The following KATNA1 variants were observed in gnomAD, a reference collection of about 807,000 sequenced individuals.
The protein encoded by KATNA1 is katanin catalytic subunit A1.
Under a neutral mutation model 62.6 loss-of-function variants are expected in KATNA1, and 42 were observed. That is an observed-to-expected ratio of 0.67 (90% CI 0.52 to 0.87). KATNA1 has a LOEUF of 0.87. Ranked by LOEUF, KATNA1 falls within the 40% of genes least tolerant of loss-of-function variation. The pLI, the probability that KATNA1 is intolerant of heterozygous loss-of-function variation, is 0.00. For synonymous variants in KATNA1, 186 were observed against 201.9 expected, an observed-to-expected ratio of 0.92 and a Z score of 0.67; for missense variants, 498 against 612.5, an observed-to-expected ratio of 0.81 and a Z score of 1.97.
intron 10 of KATNA1, among the ~76,000 whole-genome samples, chr6:149,596,490 G>A (rs370055474): frequency 2.6e-5 from 4 of 152,154 alleles, no homozygotes; most frequent in African/African-American, 7.2e-5. Context: ...AGCCGAGATC[G>A]GACCACTGCA....
rs200316485 is a variant in KATNA1 at position 149,625,933 on chromosome 6, C to CAAAAAAAAAAAA, written c.321-2662_321-2651dup. Among the ~76,000 whole-genome samples, 344 of 137,454 alleles carry CAAAAAAAAAAAA rather than the reference C, an allele frequency of 2.5e-3. 2 individuals are homozygous for CAAAAAAAAAAAA. Among genetic ancestry groups the CAAAAAAAAAAAA allele is most frequent in the African/African-American group, 8.6e-3 (327 of 38,178 alleles). The allele number at this position is 137,454 out of a possible 152,430, so 90.2% of individuals were successfully genotyped here. On this transcript the variant is annotated intron_variant, in intron 3 of 10. Coordinates refer to ENST00000367411, the MANE Select transcript of KATNA1 (RefSeq NM_007044.4). ...TGGGTGACAGAGCGAGACTCCATCT[C>CAAAAAAAAAAAA]AAAAAAAAAAAAAAGACACTCCCAG...
At chr6:149,609,774 G>A (rs1778874381) in intron 4 of KATNA1, among the ~76,000 whole-genome samples, 1 of 124,594 alleles carries the variant, frequency 8.0e-6, no homozygotes, top group Non-Finnish European at 1.6e-5. Flanking sequence ...CTGCACTTCA[G>A]CCTGGGCGAC....
chr6:149,638,705 A>G, intron 1 of KATNA1, 145 bp from the exon 2 acceptor site: 1 of 300,724 alleles, frequency 3.3e-6, no homozygotes, highest in Non-Finnish European at 5.8e-6. Context: ...TGCTCATGCT[A>G]TTTCACTCCT....
At chr6:149,647,521 CAAAAAAAAAAAAA>C (rs10719474) in intron 1 of KATNA1, among the ~76,000 whole-genome samples, 9 of 46,858 alleles carry the variant, frequency 1.9e-4, no homozygotes, top group Admixed American at 8.1e-4. Context: ...GACTCCGTCT[CAAAAAAAAAAAAA>C]AAAAAAAAAA....
chr6:149,600,879 A>G (rs1338983597), intron 7 of KATNA1, among the ~76,000 whole-genome samples: 1 of 151,832 alleles, frequency 6.6e-6, no homozygotes, highest in East Asian at 1.9e-4. Flanking sequence ...GAGGTCACGG[A>G]TGCAGCGAGT....
chr6:149,621,649 T>C (rs1250729386), intron 4 of KATNA1, among the ~76,000 whole-genome samples: 1 of 151,508 alleles, frequency 6.6e-6, no homozygotes, highest in Admixed American at 6.6e-5. Flanking sequence ...CCTGCCAACA[T>C]GTCCGGCTAA....
chr6:149,622,782 C>T (rs10747275), intron 4 of KATNA1, among the ~76,000 whole-genome samples: 63,097 of 143,534 alleles, frequency 0.44, 15,181 homozygotes, highest in East Asian at 0.81. Flanking sequence ...GGGTGGGGCG[C>T]GCAGATAACC....
Position 149,638,526 on chromosome 6 carries a change from CACT to C in KATNA1, c.19_21del (p.Ser7del). 1 of 1,613,348 alleles carries C rather than the reference CACT, an allele frequency of 6.2e-7. No homozygotes were observed. Among genetic ancestry groups the C allele is most frequent in the South Asian group, 1.1e-5 (1 of 91,034 alleles). ...TATTCACGAGCCAATTTTACATTCT[CACT>C]AATCATAAGAAGACTCATGTTCAAC... On this transcript the variant is annotated inframe_deletion, in exon 2 of 11. Coordinates refer to ENST00000367411, the MANE Select transcript of KATNA1 (RefSeq NM_007044.4).
chr6:149,628,135 T>A (rs1363111360), intron 3 of KATNA1, among the ~76,000 whole-genome samples: 1 of 151,564 alleles, frequency 6.6e-6, no homozygotes, highest in African/African-American at 2.4e-5. Flanking sequence ...GGAGTGTCTG[T>A]CGCCCAGGCT....
intron 4 of KATNA1, among the ~76,000 whole-genome samples, chr6:149,606,455 T>A (rs1451342420): frequency 6.6e-6 from 1 of 152,174 alleles, no homozygotes; most frequent in Non-Finnish European, 1.5e-5. Context: ...ATGATTCCTT[T>A]GCCAACTGGT....
Position 149,638,570 on chromosome 6 carries a change from A to T in KATNA1, c.-13-10T>A, listed in dbSNP as rs772859111. ...CATGTTCAACTGTAAGCTAAAAAGA[A>T]GAAGAAAAAAAGAAACACTTTAGGT... is the stretch of plus-strand genomic sequence containing the variant. On this transcript the variant is annotated splice_polypyrimidine_tract_variant and intron_variant, in intron 1 of 10. Coordinates refer to ENST00000367411, the MANE Select transcript of KATNA1 (RefSeq NM_007044.4). 1 of 1,580,958 alleles carries T rather than the reference A, an allele frequency of 6.3e-7. No homozygotes were observed. Among genetic ancestry groups the T allele is most frequent in the Non-Finnish European group, 8.6e-7 (1 of 1,162,982 alleles).
chr6:149,607,925 G>T (rs2115093227), intron 4 of KATNA1, among the ~76,000 whole-genome samples: 2 of 152,196 alleles, frequency 1.3e-5, no homozygotes, highest in East Asian at 3.9e-4. Flanking sequence ...AATTAGCCAG[G>T]TGTGATGGTT....
intron 1 of KATNA1, among the ~76,000 whole-genome samples, chr6:149,647,155 T>C (rs1011557630): frequency 6.6e-6 from 1 of 152,090 alleles, no homozygotes; most frequent in Admixed American, 6.5e-5. Flanking sequence ...CGTGTTTTTT[T>C]TTTTAAAGGT....
intron 9 of KATNA1, 60 bp downstream of exon 9, chr6:149,597,447 T>G: frequency 5.1e-6 from 8 of 1,582,974 alleles, no homozygotes; most frequent in Non-Finnish European, 6.0e-6. Flanking sequence ...AATTTTAAAT[T>G]CTCTAAACAA....
chr6:149,638,851 C>A (rs1235678352), intron 1 of KATNA1, among the ~76,000 whole-genome samples: 1 of 151,390 alleles, frequency 6.6e-6, no homozygotes, highest in Non-Finnish European at 1.5e-5. Flanking sequence ...ATTCTCCCAC[C>A]TCAGCCTCCC....
intron 4 of KATNA1, among the ~76,000 whole-genome samples, chr6:149,611,191 T>C (rs1778939056): frequency 6.6e-6 from 1 of 152,124 alleles, no homozygotes; most frequent in South Asian, 2.1e-4. Flanking sequence ...CCAGGTGCAG[T>C]GGCTCACGCC....
chr6:149,611,732 G>T (rs942302957), intron 4 of KATNA1, among the ~76,000 whole-genome samples: 1 of 152,168 alleles, frequency 6.6e-6, no homozygotes, highest in Non-Finnish European at 1.5e-5. Context: ...AGGCATGGTG[G>T]CTTATGCCTG....
chr6:149,620,827 C>G (rs1415066517), intron 4 of KATNA1, among the ~76,000 whole-genome samples: 2 of 151,174 alleles, frequency 1.3e-5, no homozygotes, highest in Non-Finnish European at 3.0e-5. Flanking sequence ...TTTTAAAAAC[C>G]AAAGCAACAT....
At position 149,604,733 on chromosome 6, in the gene KATNA1, C is replaced by T; in HGVS notation, c.551G>A (p.Ser184Asn). Reference sequence around the variant, plus strand: ...TACTAAGTCTTTATCATATCCGGTACTATCAAATTTATTTGTCTCTGGTTC... The same window carrying T: ...TACTAAGTCTTTATCATATCCGGTATTATCAAATTTATTTGTCTCTGGTTC... ...VTEPETNKFDSTGYDKDLVEA... is the reference protein window; with the variant it reads ...VTEPETNKFDNTGYDKDLVEA... Residue 184 changes from serine to asparagine, a missense_variant, in exon 5 of 11, where the codon AGT (serine) becomes AAT (asparagine). Coordinates refer to ENST00000367411, the MANE Select transcript of KATNA1 (RefSeq NM_007044.4). 1.2e-6 allele frequency: 2 copies of T among 1,612,392 alleles called. No homozygotes were observed. Among genetic ancestry groups the T allele is most frequent in the Non-Finnish European group, 1.7e-6 (2 of 1,178,376 alleles).
Sources: allele counts gnomAD v4.1 joint callset (sites outside exome capture counted in the v4.1 genomes callset), GRCh38; gene constraint gnomAD v4.1.1; transcripts MANE v1.5; gene names NCBI Gene and HGNC (gene_info 2026-07-23, HGNC 2026-07-21).